RAD54L: variants seen among roughly 807,000 people sequenced by gnomAD.
RAD54L encodes RAD54 like.
Under a neutral mutation model 91.6 loss-of-function variants are expected in RAD54L, and 74 were observed. The observed-to-expected ratio is 0.81, with a 90% CI of 0.67 to 0.98. The LOEUF (loss-of-function observed/expected upper bound fraction) is 0.98, where lower values mean the gene tolerates loss of function less well. Among genes scored for constraint, RAD54L ranks in the 50% least tolerant of loss-of-function variants. The pLI, the probability that RAD54L is intolerant of heterozygous loss-of-function variation, is 0.00. For missense variants in RAD54L, 887 were observed against 945.7 expected (o/e 0.94, Z 0.81); for synonymous variants, 304 against 349.7 (o/e 0.87, Z 1.46).
In RAD54L at chr1:46,278,147, G is replaced by C. The variant is rs780227554; in HGVS notation, c.2109G>C (p.Leu703=). ...PPDGSDCTSD[L]AGWNHCTDKW... ...ATGGTTCTGACTGCACTTCAGACCT[G>C]GCAGGGTGGAACCACTGCACTGATA... Residue 703 remains leucine (L), a synonymous_variant, in exon 18 of 18, where the codon CTG becomes CTC. Coordinates refer to ENST00000371975, the MANE Select transcript of RAD54L (RefSeq NM_003579.4). The C allele has an allele frequency of 3.7e-6, 6 of 1,613,660 alleles. No individual in the cohort carries two copies. The highest frequency in any genetic ancestry group is 1.3e-5 in the African/African-American group (1 of 74,924).
At chr1:46,261,195 GTTTTTTTTGTTTTT>G (rs1660109372) in intron 7 of RAD54L, 52 bp from the exon 8 acceptor site, 1 of 1,552,996 alleles carries the variant, frequency 6.4e-7, no homozygotes, top group South Asian at 1.1e-5. Context: ...CTGTCTAATT[GTTTTTTTTGTTTTT>G]TTTTTTTTCA....
chr1:46,250,333 T>C (rs907107645), intron 3 of RAD54L, among the ~76,000 whole-genome samples: 21 of 152,136 alleles, frequency 1.4e-4, no homozygotes, highest in African/African-American at 4.8e-4. Flanking sequence ...GCACCAGATA[T>C]CAGATGGTTC....
Position 46,260,764 on chromosome 1 carries a change from G to C in RAD54L, c.515G>C (p.Arg172Pro). The change falls in exon 7 of 18, where the codon CGC becomes CCC. Residue 172 changes from arginine to proline, a missense_variant. Coordinates refer to ENST00000371975, the MANE Select transcript of RAD54L (RefSeq NM_003579.4). ...CTGTGGGAGTGTGTCACCAGTCGGC[G>C]CATCCCTGGCAGCCATGGCTGCATC... Reference protein sequence around the residue: ...KFLWECVTSRRIPGSHGCIMA... With the variant: ...KFLWECVTSRPIPGSHGCIMA... The C allele has an allele frequency of 6.2e-7, 1 of 1,614,206 alleles. No homozygotes were observed. The highest frequency in any genetic ancestry group is 1.3e-5 in the African/African-American group (1 of 75,054).
At position 46,273,795 on chromosome 1, in the gene RAD54L, C is replaced by CT. The variant is rs756555155; in HGVS notation, c.1610+49dup. 95 of 1,561,366 alleles carry CT rather than the reference C, an allele frequency of 6.1e-5. No homozygotes were observed. The Middle Eastern group carries it at 1.5e-3, about 25-fold the overall frequency. ...TGCCAAAGGGGGATATACCCCTCCC[C>CT]TACTGTCTGTCTAGTTCTGATTTGT... is the stretch of plus-strand genomic sequence containing the variant. On this transcript the variant is annotated intron_variant, in intron 14 of 17. Transcript: ENST00000371975.
intron 4 of RAD54L, among the ~76,000 whole-genome samples, chr1:46,259,152 G>C (rs541410520): frequency 1.3e-5 from 2 of 151,966 alleles, no homozygotes; most frequent in African/African-American, 4.8e-5. Context: ...TGGAGGAATA[G>C]GGAGGCCAGC....
chr1:46,273,512 G>A (rs1026024397), intron 13 of RAD54L, 47 bp downstream of exon 13: 4 of 1,610,942 alleles, frequency 2.5e-6, no homozygotes, highest in Admixed American at 3.3e-5. Context: ...GAGGAGGGTG[G>A]GAGATTTTTT....
At position 46,263,388 on chromosome 1, in the gene RAD54L, C is replaced by T. The variant is rs1569589080; in HGVS notation, c.891+2003C>T. Among the ~76,000 whole-genome samples, 3 of 152,234 alleles carry T rather than the reference C, an allele frequency of 2.0e-5. No homozygotes were observed. The South Asian group carries it at 6.2e-4, about 32-fold the overall frequency. On this transcript the variant is annotated intron_variant, in intron 8 of 17. Coordinates refer to ENST00000371975, the MANE Select transcript of RAD54L (RefSeq NM_003579.4). The surrounding 1 kb of genome is among the most constrained non-coding windows in gnomAD (Gnocchi z 4.3). ...TGGGAGAGTTAACCTCCTTTGTATA[C>T]CCCAGAGGTTCTAGTGGAGAGGTGG... is the stretch of plus-strand genomic sequence containing the variant.
At chr1:46,273,540 C>A (rs776149464) in intron 13 of RAD54L, 75 bp downstream of exon 13, 39 of 1,611,434 alleles carry the variant, frequency 2.4e-5, no homozygotes, top group Admixed American at 5.0e-5. Context: ...TAGGGCTGTC[C>A]TGTTTCAAGG....
At chr1:46,277,725 CTGTAGTTTCAACCCTT>C in intron 16 of RAD54L, 76 bp from the exon 17 acceptor site, 3 of 1,395,896 alleles carry the variant, frequency 2.1e-6, no homozygotes, top group Non-Finnish European at 3.0e-6. Context: ...TCTCGGGTAG[CTGTAGTTTCAACCCTT>C]TGGTTTTCCT....
At chr1:46,260,212 A>G (rs1660070718) in intron 5 of RAD54L, 113 bp downstream of exon 5, 6 of 1,505,082 alleles carry the variant, frequency 4.0e-6, no homozygotes, top group South Asian at 1.1e-5. Context: ...ATATGTTTTC[A>G]GAGAGTAGAT....
chr1:46,272,823 G>T (rs1660474273), intron 12 of RAD54L, 21 bp downstream of exon 12: 1 of 1,613,826 alleles, frequency 6.2e-7, no homozygotes, highest in Non-Finnish European at 8.5e-7. Flanking sequence ...CTTGTGTCCT[G>T]GTGTCCTCTG....
chr1:46,260,420 G>A, intron 5 of RAD54L, 122 bp from the exon 6 acceptor site: 1 of 1,060,910 alleles, frequency 9.4e-7, no homozygotes, highest in Non-Finnish European at 1.5e-6. Context: ...CGATTTATCA[G>A]CCAAGAAGGT....
At chr1:46,262,291 C>T (rs543718465) in intron 8 of RAD54L, among the ~76,000 whole-genome samples, 70 of 152,154 alleles carry the variant, frequency 4.6e-4, no homozygotes, top group African/African-American at 1.5e-3. Context: ...CCTGTAATCC[C>T]AGCTACTCAG....
chr1:46,268,401 T>G (rs998939825), intron 9 of RAD54L, among the ~76,000 whole-genome samples: 1 of 152,200 alleles, frequency 6.6e-6, no homozygotes, highest in African/African-American at 2.4e-5. Flanking sequence ...AAAGGGTGTG[T>G]TAGTGTCACC....
In RAD54L at chr1:46,267,499, C is replaced by A. The variant is rs1187117041; in HGVS notation, c.932C>A (p.Ala311Asp). Residue 311 changes from alanine (A) to aspartate (D), a missense_variant, in exon 9 of 18, where the codon GCC becomes GAC. Transcript: ENST00000371975. Reference protein sequence around the residue: ...LKNSENQTYQALDSLNTSRRV... With the variant: ...LKNSENQTYQDLDSLNTSRRV... ...AACTCTGAGAATCAGACTTACCAAG[C>A]CCTGGACAGCTTGAACACCAGCCGG... is the stretch of plus-strand genomic sequence containing the variant. 3 of 1,613,988 alleles carry A rather than the reference C, an allele frequency of 1.9e-6. No homozygotes were observed.
In RAD54L at chr1:46,260,823, C is replaced by CA; in HGVS notation, c.575dup (p.Cys193ValfsTer20). 1 of 1,614,234 alleles carries CA rather than the reference C, an allele frequency of 6.2e-7. No individual in the cohort carries two copies. Among genetic ancestry groups the CA allele is most frequent in the Non-Finnish European group, 8.5e-7 (1 of 1,180,042 alleles). On this transcript the variant is annotated frameshift_variant, in exon 7 of 18. Coordinates refer to ENST00000371975, the MANE Select transcript of RAD54L (RefSeq NM_003579.4). LOFTEE classifies it high-confidence loss of function. ...TGAGATGGGCCTAGGAAAGACGCTG[C>CA]AGTGCATCACATTGATGTGGACACT... is the stretch of plus-strand genomic sequence containing the variant.
rs756542500 is a variant in RAD54L, at chr1:46,250,137, C to G, written c.210+18C>G. ...GTCAGCATGTAAGCCAGAACTGCAA[C>G]CTGCATGTGTATGTCTGTGCCCAGT... On this transcript the variant is annotated intron_variant, in intron 3 of 17. Transcript: ENST00000371975. 6.6e-5 allele frequency: 106 copies of G among 1,613,836 alleles called. No individual in the cohort carries two copies. In the South Asian group the frequency reaches 1.1e-3, roughly 17 times the overall value.
At chr1:46,255,761 A>G (rs1165297800) in intron 3 of RAD54L, among the ~76,000 whole-genome samples, 2 of 152,092 alleles carry the variant, frequency 1.3e-5, no homozygotes, top group East Asian at 1.9e-4. Flanking sequence ...TTGGCCTCCC[A>G]AAGTGCTGGG....
chr1:46,248,650 G>T, intron 2 of RAD54L, 52 bp downstream of exon 2: 2 of 1,568,942 alleles, frequency 1.3e-6, no homozygotes, highest in Non-Finnish European at 1.8e-6. Flanking sequence ...GGACAGAAAA[G>T]AAGCCAGGAT....
Sources: gnomAD v4.1 joint callset for allele counts (sites outside exome capture counted in the v4.1 genomes callset) on GRCh38, gnomAD v4.1.1 for gene constraint, Gnocchi (gnomAD v3.1) non-coding constraint, MANE v1.5 for transcripts, NCBI Gene and HGNC (gene_info 2026-07-23, HGNC 2026-07-21) for gene names.